The following RNF2 variants were observed in gnomAD, a reference collection of about 807,000 sequenced individuals.
RNF2 encodes the protein ring finger protein 2, also known as E3 ubiquitin-protein ligase RING2.
Under a neutral mutation model 37.2 loss-of-function variants are expected in RNF2, and 6 were observed. The ratio of observed to expected loss-of-function variants is 0.16; its 90% CI spans 0.09 to 0.32. The LOEUF is 0.32. RNF2 is among the 10% of genes least tolerant of loss of function. The pLI, the probability that RNF2 is intolerant of heterozygous loss-of-function variation, is 1.00. For missense variants in RNF2, 251 were observed against 404.0 expected (o/e 0.62, Z 3.25); for synonymous variants, 133 against 132.7 (o/e 1.00, Z -0.02).
At chr1:185,054,511 G>C (rs1390251389) in intron 1 of RNF2, among the ~76,000 whole-genome samples, 2 of 152,100 alleles carry the variant, frequency 1.3e-5, no homozygotes, top group African/African-American at 4.8e-5. Context: ...GGGCCGGCCA[G>C]ACGCCGGCTC....
intron 2 of RNF2, among the ~76,000 whole-genome samples, chr1:185,090,243 C>G (rs1243704011): frequency 6.6e-6 from 1 of 152,152 alleles, no homozygotes; most frequent in Non-Finnish European, 1.5e-5. Context: ...TTTTTAGTTA[C>G]ACCAAGGTGG....
chr1:185,087,463 C>T (rs537000765), intron 1 of RNF2, 89 bp from the exon 2 acceptor site: 76 of 1,051,768 alleles, frequency 7.2e-5, no homozygotes, highest in African/African-American at 3.9e-4. Flanking sequence ...TAGATTTCAA[C>T]GTAGGAATTT....
chr1:185,059,869 T>C (rs2102159601), intron 1 of RNF2, among the ~76,000 whole-genome samples: 1 of 152,346 alleles, frequency 6.6e-6, no homozygotes, highest in Non-Finnish European at 1.5e-5. Flanking sequence ...GTAGAGGTAT[T>C]AGCCTTCAAC....
intron 2 of RNF2, 46 bp from the exon 3 acceptor site, chr1:185,091,533 A>G: frequency 6.3e-7 from 1 of 1,580,832 alleles, no homozygotes; most frequent in Non-Finnish European, 8.7e-7. Context: ...GCTTGTCCAT[A>G]ATAAAAAATT....
chr1:185,073,303 T>A (rs910391764), intron 1 of RNF2, among the ~76,000 whole-genome samples: 18 of 152,302 alleles, frequency 1.2e-4, no homozygotes, highest in African/African-American at 3.8e-4. Context: ...TTTAATTTTT[T>A]AAAATTTTTT....
intron 3 of RNF2, among the ~76,000 whole-genome samples, chr1:185,092,702 T>TA (rs1651803318): frequency 6.6e-6 from 1 of 152,092 alleles, no homozygotes; most frequent in Non-Finnish European, 1.5e-5. Flanking sequence ...ATTTATTACA[T>TA]ATAAATTAAC....
chr1:185,087,669 A>G, intron 2 of RNF2, 29 bp downstream of exon 2: 1 of 1,499,250 alleles, frequency 6.7e-7, no homozygotes, highest in Non-Finnish European at 9.3e-7. Flanking sequence ...GCCAAGGGGC[A>G]TATGAGACGT....
At chr1:185,051,416 T>A (rs944806687) in intron 1 of RNF2, among the ~76,000 whole-genome samples, 1 of 152,112 alleles carries the variant, frequency 6.6e-6, no homozygotes, top group Admixed American at 6.5e-5. Flanking sequence ...TTAAAAAAAA[T>A]AAAAAATGCC....
intron 1 of RNF2, among the ~76,000 whole-genome samples, chr1:185,054,777 A>C (rs951604278): frequency 1.3e-5 from 2 of 152,134 alleles, no homozygotes; most frequent in Non-Finnish European, 2.9e-5. Flanking sequence ...AGCTCACTGC[A>C]TCCTCCGCCT....
At chr1:185,049,101 C>T (rs1263619652) in intron 1 of RNF2, among the ~76,000 whole-genome samples, 2 of 152,244 alleles carry the variant, frequency 1.3e-5, no homozygotes, top group Middle Eastern at 3.4e-3. Context: ...TGGCGCGCGC[C>T]TGTAATCCCA....
chr1:185,100,905 T>G lies in RNF2; in HGVS notation c.*604T>G, dbSNP rs1652060609. The G allele has an allele frequency of 6.6e-6, 1 of 152,482 alleles. No homozygotes were observed. Among genetic ancestry groups the G allele is most frequent in the South Asian group, 2.1e-4 (1 of 4,824 alleles). 9.4% of individuals were successfully genotyped at this position (152,482 alleles called of 1,614,324 possible). On this transcript the variant is annotated 3_prime_UTR_variant, in exon 7 of 7. Coordinates refer to ENST00000367510, the MANE Select transcript of RNF2 (RefSeq NM_007212.4). ...TTAGTGTCCATTGTCATGCAATGTT[T>G]TTTTTTTTCCATTCTTTTTCCCTGT...
chr1:185,049,746 C>G (rs540218147), intron 1 of RNF2, among the ~76,000 whole-genome samples: 1 of 151,708 alleles, frequency 6.6e-6, no homozygotes, highest in African/African-American at 2.4e-5. Context: ...GTTCTATGGA[C>G]CCGGTGCTGG....
chr1:185,098,034 AAG>A (rs1651961014), intron 4 of RNF2, 36 bp from the exon 5 acceptor site: 3 of 1,602,162 alleles, frequency 1.9e-6, no homozygotes, highest in Non-Finnish European at 2.6e-6. Context: ...AAAGGCCTAA[AAG>A]TAAATTTTAT....
intron 5 of RNF2, 96 bp downstream of exon 5, chr1:185,098,440 C>A: frequency 7.2e-7 from 1 of 1,386,738 alleles, no homozygotes; most frequent in Non-Finnish European, 9.9e-7. Flanking sequence ...CAATATTTGT[C>A]ATCCCATTGA....
At chr1:185,074,861 G>A (rs986894453) in intron 1 of RNF2, among the ~76,000 whole-genome samples, 2 of 152,146 alleles carry the variant, frequency 1.3e-5, no homozygotes, top group Admixed American at 1.3e-4. Flanking sequence ...ATATGCAAAT[G>A]CTGTGTCTTT....
chr1:185,077,511 A>G (rs1651204600), intron 1 of RNF2, among the ~76,000 whole-genome samples: 1 of 151,854 alleles, frequency 6.6e-6, no homozygotes, highest in South Asian at 2.1e-4. Context: ...TACGACTTTT[A>G]TTAGAAATAG....
chr1:185,077,585 G>A (rs555978370), intron 1 of RNF2, among the ~76,000 whole-genome samples: 2 of 144,696 alleles, frequency 1.4e-5, no homozygotes, highest in Admixed American at 6.8e-5. Flanking sequence ...TCTCATATCC[G>A]TACATATGTG....
intron 1 of RNF2, among the ~76,000 whole-genome samples, chr1:185,083,580 T>C (rs1651492701): frequency 6.6e-6 from 1 of 151,576 alleles, no homozygotes; most frequent in Admixed American, 6.6e-5. Flanking sequence ...CCTCAGACTT[T>C]TGAGTAGCTG....
In RNF2 at chr1:185,101,832, GTTTTTTTT is replaced by G. The variant is rs768356678; in HGVS notation, c.*1546_*1553del. 1.6e-4 allele frequency: 16 copies of G among 97,880 alleles called. 1 individual carries two copies. In the East Asian group the frequency reaches 3.1e-3, roughly 19 times the overall value. The allele number at this position is 97,880 out of a possible 1,614,324, so 6.1% of individuals were successfully genotyped here. A position where few individuals can be genotyped will look rare whatever the true frequency, so the allele number is the denominator to read the frequency against. Reference sequence around the variant, plus strand: ...AATATTTAAAATCTGTTTTTACAGGGTTTTTTTTTTTTTTTTTTTTTTGTAATCTGTGC... The same window carrying G: ...AATATTTAAAATCTGTTTTTACAGGGTTTTTTTTTTTTTTGTAATCTGTGC... On this transcript the variant is annotated 3_prime_UTR_variant, in exon 7 of 7. Coordinates refer to ENST00000367510, the MANE Select transcript of RNF2 (RefSeq NM_007212.4).
Sources: allele counts gnomAD v4.1 joint callset (sites outside exome capture counted in the v4.1 genomes callset), GRCh38; gene constraint gnomAD v4.1.1; transcripts MANE v1.5; gene names NCBI Gene and HGNC (gene_info 2026-07-23, HGNC 2026-07-21).